Variants in ATXN1 observed in about 807,000 individuals in gnomAD.
The protein encoded by ATXN1 is ataxin-1.
Under a neutral mutation model 56.4 loss-of-function variants are expected in ATXN1, and 8 were observed. The observed-to-expected ratio is 0.14, with a 90% CI of 0.08 to 0.26. The LOEUF is 0.26. ATXN1 is among the 10% of genes least tolerant of loss of function. The probability of loss-of-function intolerance (pLI) is 1.00; values close to 1 mark genes in which losing one functional copy is unlikely to be tolerated. For synonymous variants in ATXN1, 514 were observed against 494.6 expected, an observed-to-expected ratio of 1.04 and a Z score of -0.52; for missense variants, 987 against 1,106.5, an observed-to-expected ratio of 0.89 and a Z score of 1.53.
intron 4 of ATXN1, among the ~76,000 whole-genome samples, chr6:16,526,689 C>A (rs1252858431): frequency 6.7e-6 from 1 of 149,254 alleles, no homozygotes; most frequent in Non-Finnish European, 1.5e-5. Flanking sequence ...CACTTGAACC[C>A]GGGAGGTGGA....
chr6:16,533,480 T>C (rs1269466961), intron 4 of ATXN1, among the ~76,000 whole-genome samples: 1 of 152,220 alleles, frequency 6.6e-6, no homozygotes, highest in African/African-American at 2.4e-5. Flanking sequence ...ATGAGATTTG[T>C]AATATGGCCA....
intron 6 of ATXN1, among the ~76,000 whole-genome samples, chr6:16,415,211 T>C (rs910046): frequency 0.82 from 125,287 of 152,218 alleles, 51,745 homozygotes; most frequent in East Asian, 0.99. Flanking sequence ...AGTGAAACAA[T>C]AAGTGGTTTT....
At chr6:16,672,024 G>C (rs140270335) in intron 2 of ATXN1, among the ~76,000 whole-genome samples, 1 of 152,116 alleles carries the variant, frequency 6.6e-6, no homozygotes, top group Non-Finnish European at 1.5e-5. Flanking sequence ...TATGTTAAAT[G>C]AATCACAGGA....
intron 3 of ATXN1, among the ~76,000 whole-genome samples, chr6:16,646,193 C>T (rs1436343240): frequency 6.6e-6 from 1 of 152,098 alleles, no homozygotes; most frequent in Non-Finnish European, 1.5e-5. Context: ...CTGTACTCAG[C>T]CTGGGTGACA....
At chr6:16,684,941 A>G (rs1176840069) in intron 2 of ATXN1, among the ~76,000 whole-genome samples, 1 of 152,050 alleles carries the variant, frequency 6.6e-6, no homozygotes, top group East Asian at 1.9e-4. Context: ...ACAAATCAGA[A>G]GCACAAGTGA....
intron 4 of ATXN1, among the ~76,000 whole-genome samples, chr6:16,534,184 T>C (rs1761553985): frequency 6.6e-6 from 1 of 152,034 alleles, no homozygotes; most frequent in South Asian, 2.1e-4. Flanking sequence ...CATGCACTTT[T>C]CCAACTCAGT....
intron 6 of ATXN1, among the ~76,000 whole-genome samples, chr6:16,372,869 T>C (rs938593995): frequency 1.3e-5 from 2 of 152,172 alleles, no homozygotes; most frequent in African/African-American, 2.4e-5. Flanking sequence ...GGAGCTGTGA[T>C]TGCACACTGC....
chr6:16,481,781 T>TA (rs1760445189), intron 6 of ATXN1, among the ~76,000 whole-genome samples: 1 of 152,106 alleles, frequency 6.6e-6, no homozygotes, highest in Admixed American at 6.5e-5. Flanking sequence ...TCTAGGGAGA[T>TA]ACAGCACTTC....
chr6:16,431,782 T>C (rs1227000467), intron 6 of ATXN1, among the ~76,000 whole-genome samples: 1 of 152,222 alleles, frequency 6.6e-6, no homozygotes, highest in Non-Finnish European at 1.5e-5. Flanking sequence ...GCAACTGTGC[T>C]TTCGTGTATT....
At chr6:16,757,027 T>C (rs1483029630) in intron 1 of ATXN1, among the ~76,000 whole-genome samples, 1 of 152,246 alleles carries the variant, frequency 6.6e-6, no homozygotes, top group Non-Finnish European at 1.5e-5. Context: ...ACAGGAGTCA[T>C]AGTAATGTTT....
rs532563900 is a variant in ATXN1, at chr6:16,732,399, C to T, written c.-615+20834G>A. Among the ~76,000 whole-genome samples, 8 of 152,210 alleles carry T rather than the reference C, an allele frequency of 5.3e-5. No individual in the cohort carries two copies. The South Asian group carries it at 1.2e-3, about 24-fold the overall frequency. ...CAGCCTGGCCAACATGGTGAAACCC[C>T]GTCTCTACTGAAAATACAAAAATTA... On this transcript the variant is annotated intron_variant, in intron 2 of 7. Transcript: ENST00000436367.
At chr6:16,727,519 A>T (rs1225243642) in intron 2 of ATXN1, among the ~76,000 whole-genome samples, 1 of 152,096 alleles carries the variant, frequency 6.6e-6, no homozygotes, top group Non-Finnish European at 1.5e-5. Flanking sequence ...AAGTACTTAT[A>T]AAAAAATTTC....
rs368688908 is a variant in ATXN1, at chr6:16,362,573, C to T, written c.-160-34103G>A. 4.6e-5 allele frequency among the ~76,000 whole-genome samples: 7 copies of T among 152,268 alleles called. No homozygotes were observed. In the East Asian group the frequency reaches 5.8e-4, roughly 13 times the overall value. On this transcript the variant is annotated intron_variant, in intron 6 of 7. Coordinates refer to ENST00000436367, the MANE Select transcript of ATXN1 (RefSeq NM_001128164.2). The stretch of plus-strand genomic sequence containing the variant: ...GTGAAAGAAAGGAGACACCTTACCA[C>T]GGCTCTTCCCACCAGCAGCACCAGG...
At chr6:16,648,382 T>C (rs1016842959) in intron 3 of ATXN1, among the ~76,000 whole-genome samples, 12 of 152,342 alleles carry the variant, frequency 7.9e-5, no homozygotes, top group African/African-American at 2.6e-4. Flanking sequence ...ATTGCCTTCC[T>C]GAGTTTTTGT....
chr6:16,516,263 C>T (rs1036536043), intron 5 of ATXN1, among the ~76,000 whole-genome samples: 1 of 152,170 alleles, frequency 6.6e-6, no homozygotes, highest in Non-Finnish European at 1.5e-5. Flanking sequence ...TGCTACAACA[C>T]CATCAGGAGC....
intron 6 of ATXN1, among the ~76,000 whole-genome samples, chr6:16,378,526 C>T (rs1245938031): frequency 6.7e-6 from 1 of 150,228 alleles, no homozygotes; most frequent in Non-Finnish European, 1.5e-5. Flanking sequence ...ACCACTGGGC[C>T]CCTCTCTTGA....
In ATXN1 at chr6:16,564,094, C is replaced by A. The variant is rs145077912; in HGVS notation, c.-361+21686G>T. Among the ~76,000 whole-genome samples, 34 of 152,296 alleles carry A rather than the reference C, an allele frequency of 2.2e-4. No homozygotes were observed. In the East Asian group the frequency reaches 6.6e-3, roughly 29 times the overall value. On this transcript the variant is annotated intron_variant, in intron 4 of 7. Transcript: ENST00000436367. Reference sequence around the variant, plus strand: ...CCTTTTCAGCTGAATGACCTCCAGGCTTAGCAGCCTCTCTAAACCTCAGCC... The same window carrying A: ...CCTTTTCAGCTGAATGACCTCCAGGATTAGCAGCCTCTCTAAACCTCAGCC...
chr6:16,732,788 T>C (rs1015708757), intron 2 of ATXN1, among the ~76,000 whole-genome samples: 2 of 152,268 alleles, frequency 1.3e-5, no homozygotes, highest in Admixed American at 1.3e-4. Flanking sequence ...TAAGTACTTT[T>C]ATGTTTGACT....
At chr6:16,585,026 A>G (rs1000248623) in intron 4 of ATXN1, among the ~76,000 whole-genome samples, 2 of 152,028 alleles carry the variant, frequency 1.3e-5, no homozygotes, top group African/African-American at 4.8e-5. Context: ...TGAGGTCACG[A>G]GTTTGAGACC....
Sources: gnomAD v4.1 joint callset for allele counts (sites outside exome capture counted in the v4.1 genomes callset) on GRCh38, gnomAD v4.1.1 for gene constraint, MANE v1.5 for transcripts, NCBI Gene and HGNC (gene_info 2026-07-23, HGNC 2026-07-21) for gene names.